SH3D19: variants seen among roughly 807,000 people sequenced by gnomAD.
The protein encoded by SH3D19 is SH3 domain containing 19.
A neutral mutation model predicts 112.1 loss-of-function variants in SH3D19; 58 were observed. That is an observed-to-expected ratio of 0.52 (90% CI 0.42 to 0.64). SH3D19 has a LOEUF of 0.64. Among genes scored for constraint, SH3D19 ranks in the 30% least tolerant of loss-of-function variants. SH3D19 has a pLI of 0.00. For missense variants in SH3D19, 1,090 were observed against 1,263.4 expected (o/e 0.86, Z 2.08); for synonymous variants, 391 against 448.5 (o/e 0.87, Z 1.62).
chr4:151,243,361 AAAAG>A (rs1770696298), intron 1 of SH3D19, among the ~76,000 whole-genome samples: 1 of 152,262 alleles, frequency 6.6e-6, no homozygotes, highest in Admixed American at 6.5e-5. Context: ...TATAAAATGA[AAAAG>A]AAATGTCACT....
intron 2 of SH3D19, among the ~76,000 whole-genome samples, chr4:151,206,878 A>G (rs1005899029): frequency 1.3e-5 from 2 of 152,112 alleles, no homozygotes; most frequent in Non-Finnish European, 2.9e-5. Flanking sequence ...CCTCCGCTTC[A>G]GTTTTTGCAG....
At chr4:151,217,382 G>A (rs936976202) in intron 2 of SH3D19, among the ~76,000 whole-genome samples, 2 of 152,116 alleles carry the variant, frequency 1.3e-5, no homozygotes, top group Admixed American at 6.5e-5. Flanking sequence ...TTTTAAATTC[G>A]TAATGATATA....
At chr4:151,130,795 C>T (rs570411944) in intron 17 of SH3D19, among the ~76,000 whole-genome samples, 3 of 152,112 alleles carry the variant, frequency 2.0e-5, no homozygotes, top group South Asian at 2.1e-4. Context: ...CAAAAATTAG[C>T]GAAGCACAGT....
At chr4:151,294,811 T>C (rs1289180579) in intron 1 of SH3D19, among the ~76,000 whole-genome samples, 1 of 152,232 alleles carries the variant, frequency 6.6e-6, no homozygotes, top group Non-Finnish European at 1.5e-5. Flanking sequence ...TAATGTCATG[T>C]ACAAGAAAGC....
intron 1 of SH3D19, among the ~76,000 whole-genome samples, chr4:151,229,896 C>T (rs564717366): frequency 9.2e-5 from 14 of 152,152 alleles, no homozygotes; most frequent in East Asian, 1.9e-4. Flanking sequence ...GCCTGGGTGA[C>T]GGAGTGAAAC....
intron 2 of SH3D19, among the ~76,000 whole-genome samples, chr4:151,195,983 T>A (rs536876078): frequency 6.7e-6 from 1 of 150,132 alleles, no homozygotes; most frequent in African/African-American, 2.4e-5. Flanking sequence ...TTTCAAAAAC[T>A]ATATATATGC....
intron 8 of SH3D19, among the ~76,000 whole-genome samples, chr4:151,164,127 A>G (rs1261171905): frequency 6.6e-6 from 1 of 152,208 alleles, no homozygotes; most frequent in African/African-American, 2.4e-5. Context: ...AACTCCTAAA[A>G]TAAAGGGAAT....
intron 1 of SH3D19, among the ~76,000 whole-genome samples, chr4:151,307,150 C>T (rs930969638): frequency 6.6e-5 from 10 of 150,964 alleles, no homozygotes; most frequent in African/African-American, 2.4e-4. Context: ...TCCCAAGTAG[C>T]TGGGACTACA....
chr4:151,185,143 G>C lies in SH3D19; in HGVS notation c.193+2280C>G, dbSNP rs192829993. 2.6e-3 allele frequency among the ~76,000 whole-genome samples: 388 copies of C among 148,072 alleles called. 3 individuals carry two copies. The highest frequency in any genetic ancestry group is 9.3e-3 in the African/African-American group (370 of 39,864). On this transcript the variant is annotated intron_variant, in intron 3 of 19. Transcript: ENST00000604030. Reference sequence around the variant, plus strand: ...AAGATCTATCTTGGGGGATCCATGGGAAGTCAGGCACAGATTGTGATTCCC... The same window carrying C: ...AAGATCTATCTTGGGGGATCCATGGCAAGTCAGGCACAGATTGTGATTCCC...
intron 1 of SH3D19, among the ~76,000 whole-genome samples, chr4:151,285,710 T>C (rs1452310259): frequency 6.6e-6 from 1 of 150,840 alleles, no homozygotes; most frequent in Non-Finnish European, 1.5e-5. Flanking sequence ...CTACTAAAAA[T>C]TTAAAAAGTT....
chr4:151,217,655 A>AC (rs1767346727), intron 2 of SH3D19, among the ~76,000 whole-genome samples: 1 of 149,636 alleles, frequency 6.7e-6, no homozygotes, highest in Non-Finnish European at 1.5e-5. Context: ...GAATGAAAAC[A>AC]AAAAAAAAAT....
At chr4:151,135,421 A>AT (rs34291277) in intron 14 of SH3D19, among the ~76,000 whole-genome samples, 59,539 of 87,510 alleles carry the variant, frequency 0.68, 23,828 homozygotes, top group Non-Finnish European at 0.82. Context: ...TCTCTATCTC[A>AT]TTTTTTTTTT....
At position 151,283,220 on chromosome 4, in the gene SH3D19, G is replaced by T. The variant is rs769810680; in HGVS notation, c.112+42021C>A. The T allele has an allele frequency of 5.0e-6, 8 of 1,613,824 alleles. No individual in the cohort carries two copies. The South Asian group carries it at 8.8e-5, about 18-fold the overall frequency. On this transcript the variant is annotated intron_variant, in intron 1 of 19. Transcript: ENST00000604030. ...CCATCGGTATCTTCTTGCCAGCACT[G>T]GAGCCAGTCATCAAGGAAGACAAGA...
chr4:151,273,369 T>A (rs1377293951), intron 1 of SH3D19, among the ~76,000 whole-genome samples: 1 of 151,714 alleles, frequency 6.6e-6, no homozygotes, highest in Non-Finnish European at 1.5e-5. Flanking sequence ...GGCGGGTGGA[T>A]CACGAGGTCA....
At chr4:151,214,587 C>T (rs1265629333) in intron 2 of SH3D19, among the ~76,000 whole-genome samples, 2 of 139,302 alleles carry the variant, frequency 1.4e-5, no homozygotes, top group African/African-American at 5.2e-5. Flanking sequence ...GGGCAGGGGG[C>T]TGACCCCCCA....
chr4:151,253,430 T>A (rs1771559350), intron 1 of SH3D19, among the ~76,000 whole-genome samples: 1 of 152,134 alleles, frequency 6.6e-6, no homozygotes, highest in African/African-American at 2.4e-5. Flanking sequence ...CCTAAGTATC[T>A]AAGCCTGTTA....
At chr4:151,310,613 C>T (rs139337967) in intron 1 of SH3D19, among the ~76,000 whole-genome samples, 2,558 of 151,378 alleles carry the variant, frequency 0.017, 62 homozygotes, top group African/African-American at 0.055. Context: ...GCTCTGTTGC[C>T]CAGGCTGGAG....
intron 3 of SH3D19, among the ~76,000 whole-genome samples, chr4:151,182,070 C>T (rs997914098): frequency 6.6e-5 from 10 of 152,016 alleles, no homozygotes; most frequent in African/African-American, 2.4e-4. Context: ...CTCACTGCAG[C>T]CTCGACTTCC....
chr4:151,180,471 A>G (rs1219077907), intron 3 of SH3D19, among the ~76,000 whole-genome samples: 1 of 138,152 alleles, frequency 7.2e-6, no homozygotes, highest in African/African-American at 2.7e-5. Flanking sequence ...CAGTGGCGCG[A>G]TCTTGGCTCA....
Sources: gnomAD v4.1 joint callset for allele counts (sites outside exome capture counted in the v4.1 genomes callset) on GRCh38, gnomAD v4.1.1 for gene constraint, MANE v1.5 for transcripts, NCBI Gene and HGNC (gene_info 2026-07-23, HGNC 2026-07-21) for gene names.